Variants in RBPJ observed in about 807,000 individuals in gnomAD.
RBPJ encodes the protein recombination signal binding protein for immunoglobulin kappa J region.
Under a neutral mutation model 67.8 loss-of-function variants are expected in RBPJ, and 9 were observed. The ratio of observed to expected loss-of-function variants is 0.13; its 90% CI spans 0.08 to 0.23. RBPJ has a LOEUF of 0.23. Among genes scored for constraint, RBPJ ranks in the 10% least tolerant of loss-of-function variants. The pLI is 1.00. For missense variants in RBPJ, 305 were observed against 595.6 expected, an observed-to-expected ratio of 0.51 and a Z score of 5.08; for synonymous variants, 198 against 203.3, an observed-to-expected ratio of 0.97 and a Z score of 0.22.
chr4:26,148,614 G>T, the RBPJ span, among the ~76,000 whole-genome samples: 1 of 152,108 alleles, frequency 6.6e-6, no homozygotes, highest in African/African-American at 2.4e-5. Context: ...AAAAGGACAT[G>T]GTCTACTCTA....
At chr4:26,373,083 G>A (rs1408079016) in intron 1 of RBPJ, among the ~76,000 whole-genome samples, 1 of 152,156 alleles carries the variant, frequency 6.6e-6, no homozygotes, top group Non-Finnish European at 1.5e-5. Flanking sequence ...TATAATGTAA[G>A]TTACAATTCA....
intron 1 of RBPJ, among the ~76,000 whole-genome samples, chr4:26,372,442 G>A (rs960788913): frequency 5.3e-5 from 8 of 152,168 alleles, no homozygotes; most frequent in Non-Finnish European, 1.5e-5. Context: ...GCAATTTGAC[G>A]TAGGGCGATT....
At position 26,311,460 on chromosome 4, in the gene RBPJ, A is replaced by G. The variant is rs1722424059; in HGVS notation, c.-166-50986A>G. ...AGGCTGAGGCAGGTGAATTGCTTGA[A>G]CCCAGGAGGTGGAGGTTGCAGTGAG... On this transcript the variant is annotated intron_variant, in intron 1 of 4. Coordinates refer to the RBPJ transcript ENST00000512351. 2.0e-5 allele frequency among the ~76,000 whole-genome samples: 3 copies of G among 151,732 alleles called. 1 individual carries two copies. The East Asian group carries it at 5.8e-4, about 29-fold the overall frequency.
At chr4:26,339,521 T>C (rs1451472256) in intron 1 of RBPJ, among the ~76,000 whole-genome samples, 1 of 151,938 alleles carries the variant, frequency 6.6e-6, no homozygotes, top group Non-Finnish European at 1.5e-5. Flanking sequence ...GTAATCCCAG[T>C]TACTCGGGAT....
intron 2 of RBPJ, among the ~76,000 whole-genome samples, chr4:26,399,093 C>T (rs1033256338): frequency 2.0e-5 from 3 of 152,076 alleles, no homozygotes; most frequent in Non-Finnish European, 1.5e-5. Flanking sequence ...AAGAGACAAA[C>T]TTTTCTGCCG....
At chr4:26,234,985 C>A (rs1166192990) in intron 1 of RBPJ, among the ~76,000 whole-genome samples, 1 of 152,122 alleles carries the variant, frequency 6.6e-6, no homozygotes, top group Non-Finnish European at 1.5e-5. Flanking sequence ...AGCCACTGTG[C>A]CCGGCCTGTT....
At chr4:26,387,338 T>A (rs530223743) in intron 2 of RBPJ, among the ~76,000 whole-genome samples, 56 of 152,130 alleles carry the variant, frequency 3.7e-4, no homozygotes, top group Non-Finnish European at 7.2e-4. Context: ...AGTAATGGAT[T>A]AAAACCTGTA....
rs1314234935 is a variant in RBPJ, at chr4:26,433,687, G to C, written c.*2680G>C. The C allele has an allele frequency of 2.2e-4, 33 of 152,104 alleles. 1 individual carries two copies. The highest frequency in any genetic ancestry group is 2.0e-3 in the Admixed American group (31 of 15,274). The allele number at this position is 152,104 out of a possible 1,614,324, so 9.4% of individuals were successfully genotyped here. ...GGCCATTCTCATACCACAGACTAAA[G>C]AGTGAAATGATTTGTCCATTGTAGC... is the stretch of plus-strand genomic sequence containing the variant. On this transcript the variant is annotated 3_prime_UTR_variant, in exon 11 of 11. Transcript: ENST00000355476.
chr4:26,428,630 T>C, intron 7 of RBPJ, 90 bp from the exon 8 acceptor site: 1 of 915,918 alleles, frequency 1.1e-6, no homozygotes, highest in Non-Finnish European at 1.8e-6. Context: ...TATTATGCAG[T>C]ATATAGCTTC....
chr4:26,238,869 C>A (rs1450820281), intron 1 of RBPJ, among the ~76,000 whole-genome samples: 2 of 152,024 alleles, frequency 1.3e-5, no homozygotes, highest in African/African-American at 4.8e-5. Flanking sequence ...TGAGTGGCGG[C>A]GGCTGTAAGA....
At chr4:26,113,327 T>C in the RBPJ span, 1 of 517,100 alleles carries the variant, frequency 1.9e-6, no homozygotes. Context: ...AACCTACGAA[T>C]GTGGTGAATG....
intron 1 of RBPJ, among the ~76,000 whole-genome samples, chr4:26,249,791 CTTTTTTTTTTTTTT>C (rs1329128596): frequency 7.8e-6 from 1 of 128,802 alleles, no homozygotes; most frequent in Non-Finnish European, 1.7e-5. Context: ...TTTTTTTTTT[CTTTTTTTTTTTTTT>C]TGAGATGGAG....
chr4:26,320,867 C>G (rs1722950599), upstream of RBPJ: 1 of 1,572,790 alleles, frequency 6.4e-7, no homozygotes, highest in Non-Finnish European at 8.6e-7. Flanking sequence ...GCGGGCGGCG[C>G]GAGGCGTCTG....
intron 4 of RBPJ, among the ~76,000 whole-genome samples, chr4:26,418,919 C>T (rs1411797849): frequency 1.3e-5 from 2 of 152,234 alleles, no homozygotes; most frequent in Non-Finnish European, 1.5e-5. Flanking sequence ...TCTCTGAGTG[C>T]GTTAGAGATC....
chr4:26,224,431 C>T (rs754338333), intron 1 of RBPJ, among the ~76,000 whole-genome samples: 3 of 152,108 alleles, frequency 2.0e-5, no homozygotes, highest in Admixed American at 6.5e-5. Context: ...AGACAGGTAT[C>T]GGGGGAACCA....
Position 26,271,965 on chromosome 4 carries a change from TACC to T in RBPJ, c.-166-90479_-166-90477del, listed in dbSNP as rs140842055. ...AGGCACATGGGTGCATACATGCTTG[TACC>T]AGCTTCCAGATTTCTGTAGGGCCAG... On this transcript the variant is annotated intron_variant, in intron 1 of 4. Coordinates refer to the RBPJ transcript ENST00000512351. Among the ~76,000 whole-genome samples, 717 of 152,344 alleles carry T rather than the reference TACC, an allele frequency of 4.7e-3. 7 individuals carry two copies. The highest frequency in any genetic ancestry group is 0.017 in the African/African-American group (690 of 41,576).
chr4:26,320,705 A>C (rs1722923205), upstream of RBPJ: 3 of 1,537,906 alleles, frequency 2.0e-6, no homozygotes, highest in Non-Finnish European at 2.6e-6. Context: ...CTCAGTCTCC[A>C]CGTACGTCCC....
chr4:26,417,363 A>G (rs373499790), intron 4 of RBPJ, among the ~76,000 whole-genome samples: 1 of 152,186 alleles, frequency 6.6e-6, no homozygotes, highest in African/African-American at 2.4e-5. Flanking sequence ...GGCTGCCTCA[A>G]CATGGAGATC....
intron 1 of RBPJ, among the ~76,000 whole-genome samples, chr4:26,357,836 C>T (rs1727564870): frequency 6.6e-6 from 1 of 152,088 alleles, no homozygotes; most frequent in African/African-American, 2.4e-5. Flanking sequence ...TGTCTTTTTG[C>T]GACTGGCTTA....
Sources: gnomAD v4.1 joint callset for allele counts (sites outside exome capture counted in the v4.1 genomes callset) on GRCh38, gnomAD v4.1.1 for gene constraint, MANE v1.5 for transcripts, NCBI Gene and HGNC (gene_info 2026-07-23, HGNC 2026-07-21) for gene names.